HDAC9: variants seen among roughly 807,000 people sequenced by gnomAD.
The protein encoded by HDAC9 is MEF-2 interacting transcription repressor (MITR) protein.
Under a neutral mutation model 139.4 loss-of-function variants are expected in HDAC9, and 41 were observed. The ratio of observed to expected loss-of-function variants is 0.29; its 90% CI spans 0.23 to 0.38. The LOEUF (loss-of-function observed/expected upper bound fraction) is 0.38, where lower values mean the gene tolerates loss of function less well. HDAC9 is among the 10% of genes least tolerant of loss of function. The probability of loss-of-function intolerance (pLI) is 1.00; values close to 1 mark genes in which losing one functional copy is unlikely to be tolerated. For missense variants in HDAC9, 1,147 were observed against 1,297.0 expected, an observed-to-expected ratio of 0.88 and a Z score of 1.78; for synonymous variants, 517 against 476.2, an observed-to-expected ratio of 1.09 and a Z score of -1.12.
At chr7:18,347,666 C>T (rs982889874) in intron 1 of HDAC9, among the ~76,000 whole-genome samples, 3 of 152,024 alleles carry the variant, frequency 2.0e-5, no homozygotes, top group South Asian at 2.1e-4. Flanking sequence ...AATGCAATCT[C>T]GGCTCACTGT....
At chr7:18,405,098 G>T (rs544481592) in intron 1 of HDAC9, among the ~76,000 whole-genome samples, 22 of 152,346 alleles carry the variant, frequency 1.4e-4, no homozygotes, top group African/African-American at 5.0e-4. Flanking sequence ...GATAAAGGGA[G>T]CATGCGCAAA....
chr7:18,931,718 C>T (rs943783333), intron 22 of HDAC9, among the ~76,000 whole-genome samples: 4 of 152,086 alleles, frequency 2.6e-5, no homozygotes, highest in Admixed American at 1.3e-4. Context: ...GTTTCAGGCT[C>T]TCATTATCTG....
intron 14 of HDAC9, among the ~76,000 whole-genome samples, chr7:18,753,477 C>T (rs1788619458): frequency 1.3e-5 from 2 of 152,010 alleles, no homozygotes; most frequent in South Asian, 4.2e-4. Context: ...TACTATTTGA[C>T]CAGGACAAAA....
At chr7:18,669,181 A>C (rs563951105) in intron 12 of HDAC9, among the ~76,000 whole-genome samples, 14 of 151,790 alleles carry the variant, frequency 9.2e-5, no homozygotes, top group Admixed American at 3.3e-4. Flanking sequence ...AATAGATGTC[A>C]GTTCCTAACT....
intron 24 of HDAC9, among the ~76,000 whole-genome samples, chr7:18,966,276 A>G (rs1220681114): frequency 6.6e-6 from 1 of 152,160 alleles, no homozygotes; most frequent in African/African-American, 2.4e-5. Context: ...CCTCACGAAT[A>G]CCAGTTGTAA....
chr7:18,996,085 T>C lies in HDAC9; in HGVS notation c.*23T>C, dbSNP rs1045554268. On this transcript the variant is annotated 3_prime_UTR_variant, in exon 26 of 26. Coordinates refer to ENST00000686413, the MANE Select transcript of HDAC9 (RefSeq NM_178425.4). ...TGAAGTGCCAAGTCCCCCTCTGATA[T>C]TTCCTGTGTGTGACATCATTGTGTA... The C allele has an allele frequency of 6.3e-6, 10 of 1,584,898 alleles. No homozygotes were observed. The highest frequency in any genetic ancestry group is 1.3e-5 in the African/African-American group (1 of 74,342).
At chr7:18,167,474 T>C (rs936895555) in intron 2 of HDAC9, among the ~76,000 whole-genome samples, 5 of 152,224 alleles carry the variant, frequency 3.3e-5, no homozygotes, top group Non-Finnish European at 7.3e-5. Flanking sequence ...TTTTCATTAT[T>C]GTAACACTAC....
chr7:18,840,674 A>G (rs1585134028), intron 21 of HDAC9, among the ~76,000 whole-genome samples: 1 of 152,118 alleles, frequency 6.6e-6, no homozygotes, highest in South Asian at 2.1e-4. Flanking sequence ...AGTCAAAGCC[A>G]TTGAACCATT....
At chr7:18,880,760 T>G (rs1237089954) in intron 22 of HDAC9, among the ~76,000 whole-genome samples, 1 of 147,638 alleles carries the variant, frequency 6.8e-6, no homozygotes, top group Non-Finnish European at 1.5e-5. Flanking sequence ...AATTTACCTA[T>G]GTAACAAACC....
intron 2 of HDAC9, among the ~76,000 whole-genome samples, chr7:18,574,963 T>G (rs1440293999): frequency 6.6e-6 from 1 of 152,138 alleles, no homozygotes; most frequent in Non-Finnish European, 1.5e-5. Context: ...GCCCCTCAAC[T>G]CGAAAGCGGG....
At chr7:18,965,049 A>G (rs1462642023) in intron 24 of HDAC9, among the ~76,000 whole-genome samples, 1 of 152,194 alleles carries the variant, frequency 6.6e-6, no homozygotes, top group East Asian at 1.9e-4. Context: ...TGAGTTAACA[A>G]ATTAGCTTTG....
chr7:18,358,796 A>G (rs906388049), intron 1 of HDAC9, among the ~76,000 whole-genome samples: 4 of 152,248 alleles, frequency 2.6e-5, no homozygotes, highest in Non-Finnish European at 4.4e-5. Context: ...CTATAACTTT[A>G]GACACCTGTC....
At chr7:18,766,326 T>C (rs1789828312) in intron 15 of HDAC9, among the ~76,000 whole-genome samples, 1 of 152,178 alleles carries the variant, frequency 6.6e-6, no homozygotes, top group South Asian at 2.1e-4. Flanking sequence ...TCTCTATTCA[T>C]GTAGTAGATA....
At chr7:18,671,434 C>CGTTAAA (rs1490728204) in intron 12 of HDAC9, among the ~76,000 whole-genome samples, 4 of 151,964 alleles carry the variant, frequency 2.6e-5, no homozygotes, top group African/African-American at 9.7e-5. Context: ...GCCAGGTGCC[C>CGTTAAA]TAACCACTTC....
At chr7:18,206,930 CTTTTTTTT>C (rs58248823) in intron 2 of HDAC9, among the ~76,000 whole-genome samples, 1 of 124,548 alleles carries the variant, frequency 8.0e-6, no homozygotes. Flanking sequence ...GATATCTTTT[CTTTTTTTT>C]TTTTTTTTGT....
intron 1 of HDAC9, among the ~76,000 whole-genome samples, chr7:18,329,526 A>G (rs1289381760): frequency 6.6e-6 from 1 of 151,370 alleles, no homozygotes; most frequent in Non-Finnish European, 1.5e-5. Context: ...ATAATTGTCG[A>G]TTAGTAAACA....
chr7:18,760,344 A>G (rs1332688602), intron 14 of HDAC9, among the ~76,000 whole-genome samples: 3 of 152,088 alleles, frequency 2.0e-5, no homozygotes, highest in Non-Finnish European at 4.4e-5. Context: ...ATGCTTATTT[A>G]GTCTCTTTAC....
At chr7:18,562,143 G>A (rs1820812605) in intron 2 of HDAC9, among the ~76,000 whole-genome samples, 2 of 152,202 alleles carry the variant, frequency 1.3e-5, no homozygotes, top group Admixed American at 6.5e-5. Flanking sequence ...CTGGAGAAAT[G>A]TCTTTTCAAG....
chr7:18,935,210 G>A (rs1781543077), intron 22 of HDAC9, among the ~76,000 whole-genome samples: 1 of 152,012 alleles, frequency 6.6e-6, no homozygotes, highest in Non-Finnish European at 1.5e-5. Flanking sequence ...AAGTTGGAAG[G>A]TAAAAAAGCA....
Sources: allele counts gnomAD v4.1 joint callset (sites outside exome capture counted in the v4.1 genomes callset), GRCh38; gene constraint gnomAD v4.1.1; transcripts MANE v1.5; gene names NCBI Gene and HGNC (gene_info 2026-07-23, HGNC 2026-07-21).